FNDC5: variants seen among roughly 807,000 people sequenced by gnomAD.
FNDC5 encodes the protein fibronectin type III domain containing 5, also known as fibronectin type III domain-containing protein 5.
A neutral mutation model predicts 24.6 loss-of-function variants in FNDC5; 10 were observed. The observed-to-expected ratio is 0.41, with a 90% confidence interval of 0.25 to 0.69. The LOEUF is 0.69. Ranked by LOEUF, FNDC5 falls within the 30% of genes least tolerant of loss-of-function variation. The pLI, the probability that FNDC5 is intolerant of heterozygous loss-of-function variation, is 0.34. For missense variants in FNDC5, 226 were observed against 282.9 expected (o/e 0.80, Z 1.44); for synonymous variants, 90 against 110.7 (o/e 0.81, Z 1.18).
intron 1 of FNDC5, among the ~76,000 whole-genome samples, chr1:32,869,370 G>C (rs1053332865): frequency 2.6e-5 from 4 of 152,260 alleles, no homozygotes; most frequent in African/African-American, 9.6e-5. Flanking sequence ...CTGATGAAAA[G>C]CAGACAAAAG....
At position 32,868,804 on chromosome 1, in the gene FNDC5, A is replaced by C; in HGVS notation, c.210+78T>G. 1.0e-6 allele frequency: 1 copy of C among 968,794 alleles called. No homozygotes were observed. Among genetic ancestry groups the C allele is most frequent in the African/African-American group, 1.7e-5 (1 of 60,322 alleles). The allele number at this position is 968,794 out of a possible 1,614,324, so 60.0% of individuals were successfully genotyped here. A position where few individuals can be genotyped will look rare whatever the true frequency, so the allele number is the denominator to read the frequency against. On this transcript the variant is annotated intron_variant, in intron 2 of 5. Transcript: ENST00000373471. The surrounding 1 kb of genome is among the most constrained non-coding windows in gnomAD (Gnocchi z 4.8). ...ATTTCCTTTCTATTTCTCCATCACC[A>C]CCACTGCCACACTCCTACCCCCATC... is the stretch of plus-strand genomic sequence containing the variant.
chr1:32,865,949 T>C (rs1221090157), intron 4 of FNDC5, among the ~76,000 whole-genome samples: 4 of 152,212 alleles, frequency 2.6e-5, no homozygotes, highest in African/African-American at 9.6e-5. Context: ...AAACTAATAA[T>C]ACATGAACAG....
intron 4 of FNDC5, among the ~76,000 whole-genome samples, chr1:32,865,443 G>A (rs1234700303): frequency 6.6e-6 from 1 of 151,390 alleles, no homozygotes; most frequent in African/African-American, 2.4e-5. Flanking sequence ...CACGAGGTCA[G>A]GAAATAGAGA....
In FNDC5 at chr1:32,863,772, G is replaced by A. The variant is rs1469209937; in HGVS notation, c.*522C>T. 1 of 1,304,498 alleles carries A rather than the reference G, an allele frequency of 7.7e-7. No individual in the cohort carries two copies. Among genetic ancestry groups the A allele is most frequent in the Non-Finnish European group, 1.0e-6 (1 of 989,070 alleles). The allele number at this position is 1,304,498 out of a possible 1,614,324, so 80.8% of individuals were successfully genotyped here. Reference sequence around the variant, plus strand: ...AATGATGTTCACTGAGGGCTTGTTTGGAAACTGGGAGGAAAAAAATGAGAG... The same window carrying A: ...AATGATGTTCACTGAGGGCTTGTTTAGAAACTGGGAGGAAAAAAATGAGAG... On this transcript the variant is annotated 3_prime_UTR_variant, in exon 6 of 6. Transcript: ENST00000373471.
chr1:32,867,883 C>A, intron 3 of FNDC5, 41 bp from the exon 4 acceptor site: 1 of 1,593,636 alleles, frequency 6.3e-7, no homozygotes, highest in Non-Finnish European at 8.6e-7. Context: ...TCCTTTCCTC[C>A]CTCAGCCACT....
intron 1 of FNDC5, 64 bp from the exon 2 acceptor site, chr1:32,869,061 C>T (rs906235558): frequency 5.8e-5 from 56 of 973,816 alleles, no homozygotes; most frequent in Middle Eastern, 7.3e-4. Flanking sequence ...CCCACTGTCT[C>T]ATAAGTAAGA....
Position 32,863,558 on chromosome 1 carries a change from T to G in FNDC5, c.*736A>C, listed in dbSNP as rs565862595. On this transcript the variant is annotated 3_prime_UTR_variant, in exon 6 of 6. Transcript: ENST00000373471. ...TTTAGTTTTGTGGCTTATTTTTATT[T>G]TTTTGCAGAATTTGGGTTTGTAGTG... is the stretch of plus-strand genomic sequence containing the variant. The G allele has an allele frequency of 1.9e-6, 1 of 523,320 alleles. No individual in the cohort carries two copies. Among genetic ancestry groups the G allele is most frequent in the Admixed American group, 3.7e-5 (1 of 27,238 alleles). The allele number at this position is 523,320 out of a possible 1,614,324, so 32.4% of individuals were successfully genotyped here. A position where few individuals can be genotyped will look rare whatever the true frequency, so the allele number is the denominator to read the frequency against.
rs1641001541 is a variant in FNDC5 at position 32,863,480 on chromosome 1, G to A, written c.*814C>T. ...AAGCCAGTCCAGGAGAGGCGAGGAG[G>A]CAGAAGGCTGTGTCTCATGCAGCTT... On this transcript the variant is annotated 3_prime_UTR_variant, in exon 6 of 6. Coordinates refer to ENST00000373471, the MANE Select transcript of FNDC5 (RefSeq NM_153756.3). 2 of 335,378 alleles carry A rather than the reference G, an allele frequency of 6.0e-6. No homozygotes were observed. The highest frequency in any genetic ancestry group is 5.9e-6 in the Non-Finnish European group (1 of 170,380). 20.8% of individuals were successfully genotyped at this position (335,378 alleles called of 1,614,324 possible). A position where few individuals can be genotyped will look rare whatever the true frequency, so the allele number is the denominator to read the frequency against.
chr1:32,867,705 A>G (rs2148710633), intron 4 of FNDC5, 48 bp downstream of exon 4: 2 of 1,578,154 alleles, frequency 1.3e-6, no homozygotes, highest in East Asian at 4.5e-5. Flanking sequence ...AGAGTCCTCC[A>G]TTTCCCAGAA....
In FNDC5 at chr1:32,868,519, AT is replaced by A; in HGVS notation, c.211-132del. ...CATCACCTCCGCTATCAATATCTCCATTTTACAGGGAAGGAAACAGGTTCAG... is the reference window on the plus strand; with the variant it reads ...CATCACCTCCGCTATCAATATCTCCATTTACAGGGAAGGAAACAGGTTCAG... On this transcript the variant is annotated intron_variant, in intron 2 of 5. Transcript: ENST00000373471. The surrounding 1 kb of genome is among the most constrained non-coding windows in gnomAD (Gnocchi z 4.8). The A allele has an allele frequency of 9.4e-7, 1 of 1,058,288 alleles. No homozygotes were observed. The highest frequency in any genetic ancestry group is 1.6e-5 in the South Asian group (1 of 62,448). The allele number at this position is 1,058,288 out of a possible 1,614,324, so 65.6% of individuals were successfully genotyped here. A position where few individuals can be genotyped will look rare whatever the true frequency, so the allele number is the denominator to read the frequency against.
Position 32,868,149 on chromosome 1 carries a change from C to T in FNDC5, c.409+41G>A, listed in dbSNP as rs774488587. The T allele has an allele frequency of 6.8e-6, 11 of 1,606,174 alleles. No individual in the cohort carries two copies. The highest frequency in any genetic ancestry group is 9.4e-6 in the Non-Finnish European group (11 of 1,175,320). On this transcript the variant is annotated intron_variant, in intron 3 of 5. Coordinates refer to ENST00000373471, the MANE Select transcript of FNDC5 (RefSeq NM_153756.3). This position sits in a 1 kb window ranked among gnomAD's most constrained non-coding sequence, Gnocchi z 4.8. ...CCCACTGGTCTGGTCCTGACCACCC[C>T]TCACCCCACCCCATTCCTCTTAACA...
At position 32,867,739 on chromosome 1, in the gene FNDC5, G is replaced by C; in HGVS notation, c.499+14C>G. 6.2e-7 allele frequency: 1 copy of C among 1,612,186 alleles called. No individual in the cohort carries two copies. Among genetic ancestry groups the C allele is most frequent in the Non-Finnish European group, 8.5e-7 (1 of 1,178,584 alleles). On this transcript the variant is annotated intron_variant, in intron 4 of 5. Coordinates refer to ENST00000373471, the MANE Select transcript of FNDC5 (RefSeq NM_153756.3). ...AATCTGAGGGAAGAAGAAGGTCTCG[G>C]AGGCCAGACTCACCTGCCCACATGA...
upstream of FNDC5, among the ~76,000 whole-genome samples, chr1:32,871,725 C>T (rs1249566167): frequency 6.6e-6 from 1 of 152,212 alleles, no homozygotes; most frequent in Non-Finnish European, 1.5e-5. Context: ...AACTGTCTCC[C>T]CACCCAGAGT....
At position 32,864,315 on chromosome 1, in the gene FNDC5, GGAAAT is replaced by G. The variant is rs749959474; in HGVS notation, c.634-21_634-17del. The G allele has an allele frequency of 1.1e-5, 18 of 1,613,866 alleles. No individual in the cohort carries two copies. The highest frequency in any genetic ancestry group is 1.0e-4 in the Admixed American group (6 of 59,996). Reference sequence around the variant, plus strand: ...GTTTTCATATCTGTTTTACAGAAGAGGAAATGAAGGTACAGCGGTAAAGCACCTGC... The same window carrying G: ...GTTTTCATATCTGTTTTACAGAAGAGGAAGGTACAGCGGTAAAGCACCTGC... On this transcript the variant is annotated splice_polypyrimidine_tract_variant and intron_variant, in intron 5 of 5. Transcript: ENST00000373471.
intron 1 of FNDC5, 93 bp downstream of exon 1, chr1:32,870,560 C>T (rs1641161671): frequency 5.2e-6 from 4 of 767,180 alleles, no homozygotes; most frequent in Non-Finnish European, 6.8e-6. Flanking sequence ...ACAGGAGTCC[C>T]TAGGGGGCAG....
In FNDC5 at chr1:32,864,023, T is replaced by C; in HGVS notation, c.*271A>G. Reference sequence around the variant, plus strand: ...GACTGGGTCCTGGGCCCATGGCCCCTGGCACCCAGTCTACCCCCAGCAGTC... The same window carrying C: ...GACTGGGTCCTGGGCCCATGGCCCCCGGCACCCAGTCTACCCCCAGCAGTC... On this transcript the variant is annotated 3_prime_UTR_variant, in exon 6 of 6. Coordinates refer to ENST00000373471, the MANE Select transcript of FNDC5 (RefSeq NM_153756.3). 2 of 1,383,804 alleles carry C rather than the reference T, an allele frequency of 1.4e-6. No individual in the cohort carries two copies. Among genetic ancestry groups the C allele is most frequent in the Non-Finnish European group, 1.9e-6 (2 of 1,064,694 alleles). The allele number at this position is 1,383,804 out of a possible 1,614,324, so 85.7% of individuals were successfully genotyped here. A position where few individuals can be genotyped will look rare whatever the true frequency, so the allele number is the denominator to read the frequency against.
Position 32,870,770 on chromosome 1 carries a change from CCGGGG to C in FNDC5, c.-29_-25del, listed in dbSNP as rs1569997248. ...ATGGTGGCTCCTCCGGCCGGCAGGC[CCGGGG>C]CGGCGCAGGGGGACGCGGCTCCGGC... On this transcript the variant is annotated 5_prime_UTR_variant, in exon 1 of 6. Coordinates refer to ENST00000373471, the MANE Select transcript of FNDC5 (RefSeq NM_153756.3). The C allele has an allele frequency of 9.7e-7, 1 of 1,033,586 alleles. No homozygotes were observed. The highest frequency in any genetic ancestry group is 6.7e-5 in the East Asian group (1 of 14,878). The allele number at this position is 1,033,586 out of a possible 1,614,324, so 64.0% of individuals were successfully genotyped here.
rs200585085 is a variant in FNDC5, at chr1:32,868,823, C to T, written c.210+59G>A. 178 of 1,113,402 alleles carry T rather than the reference C, an allele frequency of 1.6e-4. 1 individual carries two copies. The highest frequency in any genetic ancestry group is 4.7e-4 in the East Asian group (16 of 33,790). 69.0% of individuals were successfully genotyped at this position (1,113,402 alleles called of 1,614,324 possible). ...ATCACCACCACTGCCACACTCCTAC[C>T]CCCATCTGCCACTACTGTCTTGATG... On this transcript the variant is annotated intron_variant, in intron 2 of 5. Transcript: ENST00000373471. This position sits in a 1 kb window ranked among gnomAD's most constrained non-coding sequence, Gnocchi z 4.8.
rs1329191001 is a variant in FNDC5 at position 32,868,850 on chromosome 1, G to A, written c.210+32C>T. On this transcript the variant is annotated intron_variant, in intron 2 of 5. Coordinates refer to ENST00000373471, the MANE Select transcript of FNDC5 (RefSeq NM_153756.3). This position sits in a 1 kb window ranked among gnomAD's most constrained non-coding sequence, Gnocchi z 4.8. ...CCATCTGCCACTACTGTCTTGATGT[G>A]TCCTTCCCTCCTAAGGACAGTGGAG... The A allele has an allele frequency of 3.3e-6, 4 of 1,225,034 alleles. No homozygotes were observed. The highest frequency in any genetic ancestry group is 3.9e-5 in the South Asian group (1 of 25,638). 75.9% of individuals were successfully genotyped at this position (1,225,034 alleles called of 1,614,324 possible).
Sources: allele counts gnomAD v4.1 joint callset (sites outside exome capture counted in the v4.1 genomes callset), GRCh38; gene constraint gnomAD v4.1.1; non-coding constraint Gnocchi (gnomAD v3.1); transcripts MANE v1.5; gene names NCBI Gene and HGNC (gene_info 2026-07-23, HGNC 2026-07-21).